The following MYCBP2 variants were observed in gnomAD, a reference collection of about 807,000 sequenced individuals.
MYCBP2 encodes the protein E3 ubiquitin-protein ligase MYCBP2.
A neutral mutation model predicts 525.3 loss-of-function variants in MYCBP2; 120 were observed. The ratio of observed to expected loss-of-function variants is 0.23; its 90% CI spans 0.20 to 0.27. The LOEUF is 0.27. Ranked by LOEUF, MYCBP2 falls within the 10% of genes least tolerant of loss-of-function variation. The probability of loss-of-function intolerance (pLI) is 1.00; values close to 1 mark genes in which losing one functional copy is unlikely to be tolerated. For synonymous variants in MYCBP2, 1,894 were observed against 1,955.8 expected (o/e 0.97, Z 0.83); for missense variants, 4,149 against 5,657.1 (o/e 0.73, Z 8.55).
intron 75 of MYCBP2, 77 bp from the exon 76 acceptor site, chr13:77,061,378 C>A: frequency 8.1e-7 from 1 of 1,228,288 alleles, no homozygotes; most frequent in South Asian, 1.6e-5. Flanking sequence ...TTTAATTATT[C>A]AATAATAATA....
intron 33 of MYCBP2, 52 bp downstream of exon 33, chr13:77,181,649 A>G (rs2060228748): frequency 8.2e-6 from 12 of 1,460,166 alleles, no homozygotes; most frequent in Non-Finnish European, 1.1e-5. Context: ...AATAAATAAA[A>G]CCATTTAGAG....
At chr13:77,305,881 C>T (rs529647128) in intron 1 of MYCBP2, among the ~76,000 whole-genome samples, 1 of 152,232 alleles carries the variant, frequency 6.6e-6, no homozygotes, top group South Asian at 2.1e-4. Flanking sequence ...ACAGATTTTA[C>T]TTAATCTAAT....
intron 52 of MYCBP2, among the ~76,000 whole-genome samples, chr13:77,137,533 G>A (rs975229584): frequency 6.6e-5 from 10 of 152,044 alleles, no homozygotes; most frequent in Non-Finnish European, 2.9e-5. Flanking sequence ...TAAGATGATC[G>A]CTTGAGCTCA....
intron 1 of MYCBP2, among the ~76,000 whole-genome samples, chr13:77,304,244 G>A (rs2079128229): frequency 6.6e-6 from 1 of 152,172 alleles, no homozygotes; most frequent in Admixed American, 6.5e-5. Context: ...ATGAGCAGAT[G>A]AATGGATAAA....
intron 20 of MYCBP2, among the ~76,000 whole-genome samples, chr13:77,222,612 G>T (rs2065749117): frequency 1.3e-5 from 2 of 152,040 alleles, no homozygotes; most frequent in South Asian, 4.1e-4. Flanking sequence ...TCTGATGCTG[G>T]CATCCTATCA....
At chr13:77,213,497 A>C (rs1196499123) in intron 21 of MYCBP2, among the ~76,000 whole-genome samples, 1 of 152,168 alleles carries the variant, frequency 6.6e-6, no homozygotes, top group African/African-American at 2.4e-5. Context: ...AAAAAAAGTA[A>C]ATAGTGAGCA....
chr13:77,253,619 C>T (rs776225775), intron 14 of MYCBP2, among the ~76,000 whole-genome samples: 7 of 151,634 alleles, frequency 4.6e-5, no homozygotes, highest in Non-Finnish European at 8.8e-5. Flanking sequence ...TTCTGGGCTG[C>T]TGGTAATATG....
At chr13:77,124,790 CAAGATA>C (rs2051362257) in intron 54 of MYCBP2, among the ~76,000 whole-genome samples, 1 of 151,308 alleles carries the variant, frequency 6.6e-6, no homozygotes, top group African/African-American at 2.4e-5. Context: ...TTTTTGCCAC[CAAGATA>C]TCAAAGAGAG....
chr13:77,170,278 A>C (rs1217714977), intron 38 of MYCBP2, among the ~76,000 whole-genome samples: 1 of 152,202 alleles, frequency 6.6e-6, no homozygotes, highest in Admixed American at 6.5e-5. Flanking sequence ...TTTCCAAGAA[A>C]AGCACTTTGC....
At chr13:77,211,928 AG>A (rs1433256147) in intron 22 of MYCBP2, 27 bp downstream of exon 22, 1 of 1,530,574 alleles carries the variant, frequency 6.5e-7, no homozygotes, top group Non-Finnish European at 9.0e-7. Flanking sequence ...AGAGTTTGGA[AG>A]GGGCATTTGT....
In MYCBP2 at chr13:77,157,963, T is replaced by C. The variant is rs775392382; in HGVS notation, c.6744A>G (p.Pro2248=). ...SFLDDFIACV[P]GSSGGRLARW... ...TTGCAAGCCTTCCACCACTTGATCC[T>C]GGGACACAGGCAATAAAATCATCCA... Residue 2248 remains proline, a synonymous_variant, in exon 45 of 83, where the codon CCA becomes CCG. Transcript: ENST00000544440. 1 of 1,612,982 alleles carries C rather than the reference T, an allele frequency of 6.2e-7. No homozygotes were observed. Among genetic ancestry groups the C allele is most frequent in the Non-Finnish European group, 8.5e-7 (1 of 1,179,650 alleles).
chr13:77,191,918 T>C, intron 27 of MYCBP2, 105 bp from the exon 28 acceptor site: 2 of 1,102,542 alleles, frequency 1.8e-6, no homozygotes, highest in Non-Finnish European at 1.3e-6. Context: ...ACTAACTGTA[T>C]TATAAAATTC....
chr13:77,093,313 C>A lies in MYCBP2; in HGVS notation c.10219G>T (p.Val3407Leu). ...AATAGATTGTCATCTTGATAGCCCA[C>A]AAAATTTTCATGATGATGCCTGCAT... Reference protein sequence around the residue: ...TLARHHHENFVGYQDDNLFQD... With the variant: ...TLARHHHENFLGYQDDNLFQD... Residue 3407 changes from valine (V) to leucine (L), a missense_variant, in exon 59 of 83, where the codon GTG becomes TTG. By Grantham distance (32) the Val-to-Leu change is conservative. This residue lies in a region of MYCBP2 where 509 missense variants were observed against 789.4 expected (regional missense o/e 0.64). Coordinates refer to ENST00000544440, the MANE Select transcript of MYCBP2 (RefSeq NM_015057.5). The A allele has an allele frequency of 6.2e-7, 1 of 1,613,038 alleles. No individual in the cohort carries two copies. The highest frequency in any genetic ancestry group is 8.5e-7 in the Non-Finnish European group (1 of 1,179,416).
At chr13:77,304,305 A>C (rs1442986232) in intron 1 of MYCBP2, among the ~76,000 whole-genome samples, 1 of 152,246 alleles carries the variant, frequency 6.6e-6, no homozygotes, top group African/African-American at 2.4e-5. Context: ...ATTAAAAAAG[A>C]GTAAAATTCT....
At chr13:77,055,876 C>A in intron 79 of MYCBP2, 109 bp from the exon 80 acceptor site, 6 of 681,728 alleles carry the variant, frequency 8.8e-6, no homozygotes, top group Non-Finnish European at 2.4e-6. Flanking sequence ...AACCAGACAG[C>A]ACACATATTC....
At position 77,143,959 on chromosome 13, in the gene MYCBP2, T is replaced by C. The variant is rs147258516; in HGVS notation, c.7303+486A>G. Among the ~76,000 whole-genome samples the C allele has an allele frequency of 8.9e-3, 1,358 of 152,332 alleles. 26 individuals are homozygous for C. Among genetic ancestry groups the C allele is most frequent in the African/African-American group, 0.031 (1,298 of 41,572 alleles). On this transcript the variant is annotated intron_variant, in intron 49 of 82. Transcript: ENST00000544440. The stretch of plus-strand genomic sequence containing the variant: ...CTGTTCGTCACTGACCAAAATGCTA[T>C]GAGGTACATGACTGTATAGATATCC...
In MYCBP2 at chr13:77,273,463, A is replaced by G; in HGVS notation, c.945+9T>C. 1 of 1,561,774 alleles carries G rather than the reference A, an allele frequency of 6.4e-7. No individual in the cohort carries two copies. ...TATAAACTTCTAAGCAGATATAAAT[A>G]TGAAATACCTGAATAGTTTGGCAAG... is the stretch of plus-strand genomic sequence containing the variant. On this transcript the variant is annotated intron_variant, in intron 5 of 82. Coordinates refer to ENST00000544440, the MANE Select transcript of MYCBP2 (RefSeq NM_015057.5).
chr13:77,281,618 A>G (rs576127908), intron 3 of MYCBP2, among the ~76,000 whole-genome samples: 1 of 152,310 alleles, frequency 6.6e-6, no homozygotes, highest in Admixed American at 6.5e-5. Flanking sequence ...TGAAAGATAA[A>G]GAAACATGAA....
Position 77,260,491 on chromosome 13 carries a change from C to A in MYCBP2, c.1954G>T (p.Val652Phe). ...TAGAGTTCTCCATCTTTAGAAATAA[C>A]AGAACTACTTCCATTATTGCAGGCT... ...YTACNNGSSS[V>F]ISKDGELYMF... Residue 652 changes from valine to phenylalanine, a missense_variant, in exon 13 of 83, where the codon GTT becomes TTT. Val to Phe is a conservative substitution (Grantham distance 50). Around this residue, in one of 21 missense-constraint regions of MYCBP2, gnomAD observed 262 missense variants for 419.3 expected, o/e 0.62. Transcript: ENST00000544440. The A allele has an allele frequency of 2.5e-6, 4 of 1,610,160 alleles. No homozygotes were observed. The highest frequency in any genetic ancestry group is 3.4e-6 in the Non-Finnish European group (4 of 1,178,004).
Sources: gnomAD v4.1 joint callset for allele counts (sites outside exome capture counted in the v4.1 genomes callset) on GRCh38, gnomAD v4.1.1 for gene constraint, gnomAD v4.1.1 regional missense constraint, MANE v1.5 for transcripts, NCBI Gene and HGNC (gene_info 2026-07-23, HGNC 2026-07-21) for gene names.